Variants in ZNF469 observed in about 807,000 individuals in gnomAD.
ZNF469 encodes the protein zinc finger protein 469.
Under a neutral mutation model 1.0 loss-of-function variants are expected in ZNF469, and 1 was observed. That is an observed-to-expected ratio of 1.00 (90% confidence interval 0.35 to 4.73). The LOEUF (loss-of-function observed/expected upper bound fraction) is 4.73, where lower values mean the gene tolerates loss of function less well. Among genes scored for constraint, ZNF469 ranks in the 30% most tolerant of loss-of-function variants. The probability of loss-of-function intolerance (pLI) is 0.16; values close to 1 mark genes in which losing one functional copy is unlikely to be tolerated. For missense variants in ZNF469, 6,100 were observed against 5,356.3 expected, an observed-to-expected ratio of 1.14 and a Z score of -4.33; for synonymous variants, 2,703 against 2,363.4, an observed-to-expected ratio of 1.14 and a Z score of -4.17.
chr16:88,301,421 T>C, the ZNF469 span, among the ~76,000 whole-genome samples: 5 of 152,306 alleles, frequency 3.3e-5, no homozygotes, highest in African/African-American at 1.2e-4. Flanking sequence ...CCCAAAGTGC[T>C]GGGATTACAG....
At chr16:88,281,032 G>A in the ZNF469 span, among the ~76,000 whole-genome samples, 1 of 150,496 alleles carries the variant, frequency 6.6e-6, no homozygotes, top group South Asian at 2.1e-4. Context: ...GCTGGGCCAT[G>A]CTGACGCTTG....
chr16:88,252,213 A>G, the ZNF469 span, among the ~76,000 whole-genome samples: 4,128 of 100,406 alleles, frequency 0.041, 180 homozygotes, highest in African/African-American at 0.08. Context: ...CTGCTTATTG[A>G]TGGCTGCCTG....
At chr16:88,394,100 C>T (rs1368911191) in intron 1 of ZNF469, among the ~76,000 whole-genome samples, 1 of 134,058 alleles carries the variant, frequency 7.5e-6, no homozygotes, top group East Asian at 2.1e-4. Flanking sequence ...GACACGACTA[C>T]ACCTGCGCTG....
At chr16:88,283,595 G>C in the ZNF469 span, among the ~76,000 whole-genome samples, 2 of 152,350 alleles carry the variant, frequency 1.3e-5, no homozygotes, top group African/African-American at 4.8e-5. Context: ...ATTCTAGGTG[G>C]TGGGTTGGGG....
At chr16:88,352,000 A>G in the ZNF469 span, among the ~76,000 whole-genome samples, 1 of 152,212 alleles carries the variant, frequency 6.6e-6, no homozygotes, top group African/African-American at 2.4e-5. Context: ...GCTCACCACG[A>G]CACAGAGAAA....
the ZNF469 span, among the ~76,000 whole-genome samples, chr16:88,357,197 C>T: frequency 6.6e-6 from 1 of 152,194 alleles, no homozygotes; most frequent in Non-Finnish European, 1.5e-5. Flanking sequence ...GCCCTGGACC[C>T]GGGTTTGAAT....
the ZNF469 span, among the ~76,000 whole-genome samples, chr16:88,101,779 T>C: frequency 1.3e-5 from 2 of 152,182 alleles, no homozygotes; most frequent in Non-Finnish European, 2.9e-5. Flanking sequence ...AGGTGTCTGT[T>C]TCCCATTATA....
the ZNF469 span, among the ~76,000 whole-genome samples, chr16:88,116,677 T>C: frequency 6.6e-6 from 1 of 152,074 alleles, no homozygotes; most frequent in South Asian, 2.1e-4. Context: ...ACACAGCAAC[T>C]TGGACCATCT....
chr16:88,159,945 C>G, the ZNF469 span, among the ~76,000 whole-genome samples: 2 of 152,192 alleles, frequency 1.3e-5, no homozygotes, highest in African/African-American at 2.4e-5. Context: ...AACTGGCAGC[C>G]TGTCTGATGG....
intron 1 of ZNF469, among the ~76,000 whole-genome samples, chr16:88,412,488 T>C (rs1905198882): frequency 6.6e-6 from 1 of 152,220 alleles, no homozygotes; most frequent in Non-Finnish European, 1.5e-5. Flanking sequence ...GTGAAGGCTT[T>C]TCCTGCTCCA....
the ZNF469 span, among the ~76,000 whole-genome samples, chr16:88,297,636 C>T: frequency 1.3e-5 from 2 of 152,194 alleles, no homozygotes; most frequent in South Asian, 2.1e-4. Context: ...TCTCCAGGGC[C>T]GGCATCTTCA....
At chr16:88,106,508 C>A in the ZNF469 span, among the ~76,000 whole-genome samples, 2 of 152,202 alleles carry the variant, frequency 1.3e-5, no homozygotes, top group African/African-American at 4.8e-5. Context: ...CTTTAAAAAC[C>A]GATTCAGAGG....
chr16:88,220,906 G>T, the ZNF469 span, among the ~76,000 whole-genome samples: 23 of 152,258 alleles, frequency 1.5e-4, no homozygotes, highest in African/African-American at 5.1e-4. Context: ...TTGCTCTCCG[G>T]GTCTCAAATT....
chr16:88,402,426 G>A (rs2133794), intron 1 of ZNF469, among the ~76,000 whole-genome samples: 97,975 of 152,002 alleles, frequency 0.64, 32,576 homozygotes, highest in South Asian at 0.79. Flanking sequence ...AGTCATGGGA[G>A]TGCAGTGGGA....
At chr16:88,130,277 G>GA in the ZNF469 span, among the ~76,000 whole-genome samples, 3 of 152,138 alleles carry the variant, frequency 2.0e-5, no homozygotes, top group Non-Finnish European at 2.9e-5. Context: ...AGGTCTCGCT[G>GA]TATGCTCTGG....
chr16:88,284,610 CAAA>C, the ZNF469 span, among the ~76,000 whole-genome samples: 8 of 109,526 alleles, frequency 7.3e-5, no homozygotes, highest in South Asian at 3.5e-4. Context: ...GATCCCATCT[CAAA>C]AAAAAAAAAA....
At chr16:88,169,845 G>A in the ZNF469 span, among the ~76,000 whole-genome samples, 3 of 152,124 alleles carry the variant, frequency 2.0e-5, no homozygotes, top group African/African-American at 4.8e-5. This position sits in a 1 kb window ranked among gnomAD's most constrained non-coding sequence, Gnocchi z 6.1. Context: ...TGGCCCCTCC[G>A]CCTCTGGCAC....
At position 88,431,321 on chromosome 16, in the gene ZNF469, T is replaced by C; in HGVS notation, c.3851T>C (p.Leu1284Pro). 1 of 1,549,536 alleles carries C rather than the reference T, an allele frequency of 6.5e-7. No homozygotes were observed. The part of the protein sequence containing the change: ...DTGTPKPSGS[L>P]ANTAPHGSSP... The stretch of plus-strand genomic sequence containing the variant: ...GGCACCCCCAAGCCGTCGGGAAGCC[T>C]CGCCAACACGGCGCCCCACGGAAGC... The change falls in exon 3 of 3, where the codon CTC becomes CCC. Residue 1284 changes from leucine to proline, a missense_variant. Coordinates refer to ENST00000565624, the MANE Select transcript of ZNF469 (RefSeq NM_001367624.2).
the ZNF469 span, among the ~76,000 whole-genome samples, chr16:88,228,306 G>T: frequency 6.6e-6 from 1 of 152,256 alleles, no homozygotes; most frequent in Non-Finnish European, 1.5e-5. Flanking sequence ...TGCGCAGGTC[G>T]CCCTGTGGGT....
Sources: gnomAD v4.1 joint callset for allele counts (sites outside exome capture counted in the v4.1 genomes callset) on GRCh38, gnomAD v4.1.1 for gene constraint, Gnocchi (gnomAD v3.1) non-coding constraint, MANE v1.5 for transcripts, NCBI Gene and HGNC (gene_info 2026-07-23, HGNC 2026-07-21) for gene names.